The following TNRC6B variants were observed in gnomAD, a reference collection of about 807,000 sequenced individuals.
TNRC6B encodes trinucleotide repeat-containing gene 6B protein.
Under a neutral mutation model 203.6 loss-of-function variants are expected in TNRC6B, and 52 were observed. That is an observed-to-expected ratio of 0.26 (90% CI 0.20 to 0.32). The LOEUF (loss-of-function observed/expected upper bound fraction) is 0.32. Ranked by LOEUF, TNRC6B falls within the 10% of genes least tolerant of loss-of-function variation. The pLI is 1.00. For synonymous variants in TNRC6B, 838 were observed against 845.7 expected (o/e 0.99, Z 0.16); for missense variants, 1,923 against 2,286.2 (o/e 0.84, Z 3.24).
intron 1 of TNRC6B, among the ~76,000 whole-genome samples, chr22:40,069,270 T>A (rs1006918162): frequency 6.6e-6 from 1 of 151,748 alleles, no homozygotes; most frequent in Non-Finnish European, 1.5e-5. Flanking sequence ...TTGACTGATA[T>A]AAAATTTTTT....
intron 5 of TNRC6B, 40 bp from the exon 6 acceptor site, chr22:40,270,082 T>C (rs2070537957): frequency 2.6e-6 from 4 of 1,556,570 alleles, no homozygotes; most frequent in Non-Finnish European, 8.7e-7. Context: ...TGGCATTTCA[T>C]TTAACAAATG....
chr22:40,251,427 T>TA (rs1265793649), intron 3 of TNRC6B, among the ~76,000 whole-genome samples: 1 of 152,170 alleles, frequency 6.6e-6, no homozygotes, highest in Non-Finnish European at 1.5e-5. Context: ...TACCTTGTTT[T>TA]AAAAAGTATA....
intron 3 of TNRC6B, among the ~76,000 whole-genome samples, chr22:40,139,311 G>T (rs1347194090): frequency 6.7e-6 from 1 of 150,092 alleles, no homozygotes; most frequent in African/African-American, 2.5e-5. Context: ...ATACCCTATT[G>T]CATGGGTGTA....
intron 12 of TNRC6B, among the ~76,000 whole-genome samples, chr22:40,294,076 A>G (rs1262978106): frequency 7.0e-6 from 1 of 142,570 alleles, no homozygotes; most frequent in East Asian, 2.0e-4. Flanking sequence ...ATCTCTACAA[A>G]AAAAAAAAAA....
chr22:40,099,268 G>T, intron 1 of TNRC6B, among the ~76,000 whole-genome samples: 1 of 149,160 alleles, frequency 6.7e-6, no homozygotes. Flanking sequence ...AAAAAAAAAA[G>T]GAAAAAAAAA....
At chr22:40,318,311 G>A (rs1288108076) in intron 21 of TNRC6B, among the ~76,000 whole-genome samples, 1 of 152,112 alleles carries the variant, frequency 6.6e-6, no homozygotes. Flanking sequence ...ACTTTGGGAG[G>A]CCGAGGCGGG....
chr22:40,152,718 G>T (rs1326982845), intron 3 of TNRC6B, among the ~76,000 whole-genome samples: 1 of 152,100 alleles, frequency 6.6e-6, no homozygotes, highest in Admixed American at 6.5e-5. Flanking sequence ...TGATCCGCCT[G>T]CCTCAGCCTC....
At position 40,057,064 on chromosome 22, in the gene TNRC6B, T is replaced by C. The variant is rs1476258138; in HGVS notation, c.-121+12066T>C. Among the ~76,000 whole-genome samples, 2 of 152,154 alleles carry C rather than the reference T, an allele frequency of 1.3e-5. 1 individual carries two copies. Among genetic ancestry groups the C allele is most frequent in the Non-Finnish European group, 2.9e-5 (2 of 68,016 alleles). On this transcript the variant is annotated intron_variant, in intron 1 of 23. Transcript: ENST00000301923. ...GAGTTTATGCTACTTTGTTTTGTCA[T>C]GGCACCCACTAGAATGGTTTGCACA... is the stretch of plus-strand genomic sequence containing the variant.
intron 3 of TNRC6B, among the ~76,000 whole-genome samples, chr22:40,155,458 T>A (rs968068215): frequency 6.6e-6 from 1 of 152,128 alleles, no homozygotes; most frequent in African/African-American, 2.4e-5. Context: ...CCAGCTAATT[T>A]TTGTATTTTT....
chr22:40,134,782 A>G (rs1187257662), intron 3 of TNRC6B, among the ~76,000 whole-genome samples: 1 of 152,236 alleles, frequency 6.6e-6, no homozygotes, highest in Non-Finnish European at 1.5e-5. Flanking sequence ...ACATGTTACT[A>G]ACAGCAGAAA....
chr22:40,140,614 T>C (rs1021840852), intron 3 of TNRC6B, among the ~76,000 whole-genome samples: 1 of 152,200 alleles, frequency 6.6e-6, no homozygotes, highest in Admixed American at 6.5e-5. Context: ...GAGAGAGTGG[T>C]TGTTGAATAG....
At chr22:40,113,996 G>T (rs1275252480) in intron 1 of TNRC6B, among the ~76,000 whole-genome samples, 2 of 152,164 alleles carry the variant, frequency 1.3e-5, no homozygotes, top group Non-Finnish European at 2.9e-5. Flanking sequence ...TGTATCCCAA[G>T]AATTATGCTG....
At position 40,163,851 on chromosome 22, in the gene TNRC6B, TAAATA is replaced by T. The variant is rs548091635; in HGVS notation, c.113+7676_113+7680del. ...TATTTTTTTATTTTATTTAATTTTA[TAAATA>T]AAATAAGGGGAGGGGAGGCTCAAGG... On this transcript the variant is annotated intron_variant, in intron 4 of 23. Transcript: ENST00000301923. Among the ~76,000 whole-genome samples the T allele has an allele frequency of 2.0e-3, 307 of 152,092 alleles. 1 individual carries two copies. The highest frequency in any genetic ancestry group is 7.2e-3 in the African/African-American group (299 of 41,530).
chr22:40,062,435 C>T (rs1002272071), intron 1 of TNRC6B, among the ~76,000 whole-genome samples: 1 of 152,166 alleles, frequency 6.6e-6, no homozygotes, highest in African/African-American at 2.4e-5. Flanking sequence ...TCTCAAACTC[C>T]TGACCTCAGG....
At chr22:40,214,746 G>A (rs2069612311) in intron 1 of TNRC6B, among the ~76,000 whole-genome samples, 1 of 152,012 alleles carries the variant, frequency 6.6e-6, no homozygotes, top group Admixed American at 6.6e-5. Flanking sequence ...TGGAGATAGA[G>A]TCTTGCTATA....
chr22:40,272,888 A>C (rs1041314137), intron 6 of TNRC6B, among the ~76,000 whole-genome samples: 1 of 152,016 alleles, frequency 6.6e-6, no homozygotes, highest in Non-Finnish European at 1.5e-5. Context: ...TTCTTCTTTC[A>C]CCATAATTCT....
intron 1 of TNRC6B, among the ~76,000 whole-genome samples, chr22:40,054,424 T>C (rs1428295752): frequency 6.6e-6 from 1 of 152,216 alleles, no homozygotes; most frequent in Non-Finnish European, 1.5e-5. Context: ...GTCCCTTCCT[T>C]GAGCATACTA....
chr22:40,311,333 C>T (rs1169357898), intron 17 of TNRC6B, among the ~76,000 whole-genome samples: 2 of 152,060 alleles, frequency 1.3e-5, no homozygotes, highest in Non-Finnish European at 2.9e-5. Flanking sequence ...TATGCAGTAG[C>T]GATTGCAATG....
chr22:40,047,912 C>T (rs537194668), intron 1 of TNRC6B, among the ~76,000 whole-genome samples: 77 of 152,286 alleles, frequency 5.1e-4, no homozygotes, highest in Admixed American at 4.4e-3. Flanking sequence ...TTCTAAGGAG[C>T]AGAATCAAAG....
Sources: allele counts gnomAD v4.1 joint callset (sites outside exome capture counted in the v4.1 genomes callset), GRCh38; gene constraint gnomAD v4.1.1; transcripts MANE v1.5; gene names NCBI Gene and HGNC (gene_info 2026-07-23, HGNC 2026-07-21).